Variants in KIAA1614 observed in about 807,000 individuals in gnomAD.
The protein encoded by KIAA1614 is uncharacterized protein KIAA1614.
A neutral mutation model predicts 88.7 loss-of-function variants in KIAA1614; 76 were observed. That is an observed-to-expected ratio of 0.86 (90% CI 0.71 to 1.04). The LOEUF (loss-of-function observed/expected upper bound fraction) is 1.04, where lower values mean the gene tolerates loss of function less well. Ranked by LOEUF, KIAA1614 falls within the 50% of genes least tolerant of loss-of-function variation. KIAA1614 has a pLI of 0.00. For synonymous variants in KIAA1614, 714 were observed against 675.5 expected (o/e 1.06, Z -0.88); for missense variants, 1,553 against 1,582.5 (o/e 0.98, Z 0.32).
In KIAA1614 at chr1:180,916,210, A is replaced by C. The variant is rs761221405; in HGVS notation, c.107A>C (p.Glu36Ala). ...CCCGTGGAGGGGACCTCAGCTGTGG[A>C]GTGGAGTGGTCCTGAGCCACAGCTG... ...ASPVEGTSAV[E>A]WSGPEPQLDN... The change falls in exon 2 of 9, where the codon GAG becomes GCG. Residue 36 changes from glutamate to alanine, a missense_variant. Physicochemically the swap from Glu to Ala is moderately radical, Grantham distance 107. Transcript: ENST00000367588. The C allele has an allele frequency of 2.5e-6, 4 of 1,610,014 alleles. No homozygotes were observed. Among genetic ancestry groups the C allele is most frequent in the Non-Finnish European group, 3.4e-6 (4 of 1,178,444 alleles).
Position 180,938,645 on chromosome 1 carries a change from C to A in KIAA1614, c.2852C>A (p.Ser951Tyr), listed in dbSNP as rs1365876188. The change falls in exon 6 of 9, where the codon TCC (serine) becomes TAC (tyrosine). Residue 951 changes from serine (S) to tyrosine (Y), a missense_variant. Physicochemically the swap from Ser to Tyr is moderately radical, Grantham distance 144. Transcript: ENST00000367588. ...TLSLSSEESE[S>Y]SKESEGSLQR... Reference sequence around the variant, plus strand: ...TCCCTGTCCTCAGAGGAGTCAGAGTCCAGCAAGGAATCAGAGGGAAGCCTG... The same window carrying A: ...TCCCTGTCCTCAGAGGAGTCAGAGTACAGCAAGGAATCAGAGGGAAGCCTG... The A allele has an allele frequency of 1.3e-5, 21 of 1,614,028 alleles. No individual in the cohort carries two copies. Among genetic ancestry groups the A allele is most frequent in the Non-Finnish European group, 1.8e-5 (21 of 1,180,010 alleles).
chr1:180,918,065 C>T (rs1653860815), intron 3 of KIAA1614, 151 bp downstream of exon 3: 1 of 688,186 alleles, frequency 1.5e-6, no homozygotes, highest in African/African-American at 1.8e-5. Flanking sequence ...TCCCTGAGAC[C>T]CTGCAGAAAT....
rs1653801616 is a variant in KIAA1614, at chr1:180,916,451, C to G, written c.348C>G (p.Pro116=). 1 of 1,614,188 alleles carries G rather than the reference C, an allele frequency of 6.2e-7. No individual in the cohort carries two copies. Among genetic ancestry groups the G allele is most frequent in the Non-Finnish European group, 8.5e-7 (1 of 1,180,044 alleles). The part of the protein sequence containing the change: ...ASQEWSSPKK[P]QCRRGKAGRA... ...AAGAGTGGTCATCCCCCAAGAAACC[C>G]CAATGCAGACGAGGCAAGGCAGGGA... Residue 116 remains proline (P), a synonymous_variant, in exon 2 of 9, where the codon CCC becomes CCG. Transcript: ENST00000367588.
intron 3 of KIAA1614, among the ~76,000 whole-genome samples, chr1:180,919,048 A>T (rs1208176531): frequency 2.0e-5 from 3 of 152,124 alleles, no homozygotes; most frequent in African/African-American, 7.2e-5. Flanking sequence ...CCCATTCATG[A>T]GGGCCATGCC....
At position 180,916,830 on chromosome 1, in the gene KIAA1614, C is replaced by G. The variant is rs1232354503; in HGVS notation, c.727C>G (p.Pro243Ala). Reference sequence around the variant, plus strand: ...CAGCCCAAGGACAGGAAGGTCCTACCCTTTTCCAGATGGCGTGGTGACAGA... The same window carrying G: ...CAGCCCAAGGACAGGAAGGTCCTACGCTTTTCCAGATGGCGTGGTGACAGA... Reference protein sequence around the residue: ...IPSPRTGRSYPFPDGVVTEAD... With the variant: ...IPSPRTGRSYAFPDGVVTEAD... The change falls in exon 2 of 9, where the codon CCT becomes GCT. Residue 243 changes from proline (P) to alanine (A), a missense_variant. Coordinates refer to ENST00000367588, the MANE Select transcript of KIAA1614 (RefSeq NM_020950.2). The G allele has an allele frequency of 6.2e-7, 1 of 1,614,224 alleles. No individual in the cohort carries two copies. The highest frequency in any genetic ancestry group is 1.7e-5 in the Admixed American group (1 of 60,032).
At chr1:180,915,696 A>G (rs986832961) in intron 1 of KIAA1614, among the ~76,000 whole-genome samples, 1 of 152,190 alleles carries the variant, frequency 6.6e-6, no homozygotes, top group African/African-American at 2.4e-5. Context: ...CACAGCCCAT[A>G]GCAGTCTGTG....
Position 180,916,449 on chromosome 1 carries a change from C to G in KIAA1614, c.346C>G (p.Pro116Ala). 6.2e-7 allele frequency: 1 copy of G among 1,614,190 alleles called. No individual in the cohort carries two copies. The highest frequency in any genetic ancestry group is 8.5e-7 in the Non-Finnish European group (1 of 1,180,042). ...CCAAGAGTGGTCATCCCCCAAGAAA[C>G]CCCAATGCAGACGAGGCAAGGCAGG... is the stretch of plus-strand genomic sequence containing the variant. ...ASQEWSSPKKPQCRRGKAGRA... is the reference protein window; with the variant it reads ...ASQEWSSPKKAQCRRGKAGRA... Residue 116 changes from proline to alanine, a missense_variant, in exon 2 of 9, where the codon CCC (proline) becomes GCC (alanine). Pro to Ala is a conservative substitution (Grantham distance 27). Coordinates refer to ENST00000367588, the MANE Select transcript of KIAA1614 (RefSeq NM_020950.2).
Position 180,917,085 on chromosome 1 carries a change from G to A in KIAA1614, c.982G>A (p.Asp328Asn), listed in dbSNP as rs1253176836. ...VGTPAWTPSWDTAAPERPVGD... is the reference protein window; with the variant it reads ...VGTPAWTPSWNTAAPERPVGD... ...AACCCCTGCCTGGACTCCATCCTGGGACACAGCTGCACCAGGTGAAGCTCA... is the reference window on the plus strand; with the variant it reads ...AACCCCTGCCTGGACTCCATCCTGGAACACAGCTGCACCAGGTGAAGCTCA... The change falls in exon 2 of 9, where the codon GAC becomes AAC. Residue 328 changes from aspartate to asparagine, a missense_variant. Asp to Asn is a conservative substitution (Grantham distance 23). Coordinates refer to ENST00000367588, the MANE Select transcript of KIAA1614 (RefSeq NM_020950.2). 7 of 1,612,660 alleles carry A rather than the reference G, an allele frequency of 4.3e-6. No individual in the cohort carries two copies. Among genetic ancestry groups the A allele is most frequent in the African/African-American group, 1.3e-5 (1 of 74,934 alleles).
At chr1:180,922,985 G>A (rs577750537) in intron 3 of KIAA1614, among the ~76,000 whole-genome samples, 4 of 152,292 alleles carry the variant, frequency 2.6e-5, no homozygotes, top group Non-Finnish European at 5.9e-5. Context: ...TTTATAGGAC[G>A]GCTCACAGAA....
At chr1:180,943,027 G>GTTTTTTTTTTTTTTT (rs1261396134) in intron 7 of KIAA1614, among the ~76,000 whole-genome samples, 385 of 22,246 alleles carry the variant, frequency 0.017, 13 homozygotes, top group African/African-American at 0.036. Flanking sequence ...TAGTTTTTTG[G>GTTTTTTTTTTTTTTT]GTTTTTTTTT....
intron 3 of KIAA1614, among the ~76,000 whole-genome samples, chr1:180,925,561 C>T (rs538874105): frequency 2.0e-5 from 3 of 152,226 alleles, no homozygotes; most frequent in Non-Finnish European, 4.4e-5. Flanking sequence ...AAGAAGGCCA[C>T]TCTGTCCCCT....
intron 5 of KIAA1614, among the ~76,000 whole-genome samples, chr1:180,937,309 C>G (rs892720851): frequency 1.3e-5 from 2 of 152,220 alleles, no homozygotes; most frequent in African/African-American, 4.8e-5. Flanking sequence ...ACCCTGTGAC[C>G]AAGGGAACAG....
rs777566599 is a variant in KIAA1614, at chr1:180,935,246, C to T, written c.1337C>T (p.Ser446Leu). ...GGGCACAGGCCGAGGCGGGGCCCCT[C>T]GCCGTCGCACGTGCGCTTTGAGGAT... ...SGGHRPRRGP[S>L]PSHVRFEDES... is the part of the protein sequence containing the mutation. The change falls in exon 5 of 9, where the codon TCG becomes TTG. Residue 446 changes from serine to leucine, a missense_variant. Transcript: ENST00000367588. The surrounding 1 kb of genome is among the most constrained non-coding windows in gnomAD (Gnocchi z 6.1). 1 of 1,526,068 alleles carries T rather than the reference C, an allele frequency of 6.6e-7. No homozygotes were observed. The highest frequency in any genetic ancestry group is 2.2e-5 in the Admixed American group (1 of 45,994). 94.5% of individuals were successfully genotyped at this position (1,526,068 alleles called of 1,614,324 possible).
intron 1 of KIAA1614, among the ~76,000 whole-genome samples, chr1:180,915,344 C>A (rs1225859218): frequency 6.6e-6 from 1 of 152,176 alleles, no homozygotes; most frequent in Non-Finnish European, 1.5e-5. Context: ...GTCTATCATC[C>A]TCATTGGCTC....
intron 8 of KIAA1614, 35 bp downstream of exon 8, chr1:180,944,551 C>G: frequency 6.2e-7 from 1 of 1,604,090 alleles, no homozygotes; most frequent in Non-Finnish European, 8.5e-7. Context: ...AGGATAAACT[C>G]AGAGAGTGAC....
chr1:180,934,479 A>G (rs1654271727), intron 4 of KIAA1614, among the ~76,000 whole-genome samples: 1 of 151,628 alleles, frequency 6.6e-6, no homozygotes, highest in Non-Finnish European at 1.5e-5. Flanking sequence ...GGTCCCAGCT[A>G]CTTGGGAAGC....
intron 7 of KIAA1614, among the ~76,000 whole-genome samples, chr1:180,943,306 C>G (rs1003363380): frequency 6.6e-6 from 1 of 152,088 alleles, no homozygotes; most frequent in Non-Finnish European, 1.5e-5. Flanking sequence ...GGATTACAGG[C>G]ATGAGCCACT....
At chr1:180,929,750 C>A (rs1654151726) in intron 4 of KIAA1614, among the ~76,000 whole-genome samples, 1 of 152,244 alleles carries the variant, frequency 6.6e-6, no homozygotes, top group African/African-American at 2.4e-5. Flanking sequence ...CCAGGCTATG[C>A]CAGGTCTCAC....
rs1417586347 is a variant in KIAA1614, at chr1:180,949,376, G to GC, written c.*3790dup. 2 of 152,400 alleles carry GC rather than the reference G, an allele frequency of 1.3e-5. No homozygotes were observed. The highest frequency in any genetic ancestry group is 2.1e-4 in the South Asian group (1 of 4,830). The allele number at this position is 152,400 out of a possible 1,614,324, so 9.4% of individuals were successfully genotyped here. A position where few individuals can be genotyped will look rare whatever the true frequency, so the allele number is the denominator to read the frequency against. On this transcript the variant is annotated 3_prime_UTR_variant, in exon 9 of 9. Transcript: ENST00000367588. Reference sequence around the variant, plus strand: ...AGGGGGTCCAGCCTGCCCTGGGAGAGCCAGCACCTCACTTACTCTCCCAGG... The same window carrying GC: ...AGGGGGTCCAGCCTGCCCTGGGAGAGCCCAGCACCTCACTTACTCTCCCAGG...
Sources: gnomAD v4.1 joint callset for allele counts (sites outside exome capture counted in the v4.1 genomes callset) on GRCh38, gnomAD v4.1.1 for gene constraint, Gnocchi (gnomAD v3.1) non-coding constraint, MANE v1.5 for transcripts, NCBI Gene and HGNC (gene_info 2026-07-23, HGNC 2026-07-21) for gene names.